The following IL1RAPL1 variants were observed in gnomAD, a reference collection of about 807,000 sequenced individuals.
The protein encoded by IL1RAPL1 is interleukin-1 receptor accessory protein-like 1.
In IL1RAPL1, 3 loss-of-function variants were observed where a neutral mutation model predicts 48.4. That is an observed-to-expected ratio of 0.06 (90% CI 0.03 to 0.16). The LOEUF is 0.16. Ranked by LOEUF, IL1RAPL1 falls within the 10% of genes least tolerant of loss-of-function variation. The pLI is 1.00. For synonymous variants in IL1RAPL1, 185 were observed against 187.7 expected, an observed-to-expected ratio of 0.99 and a Z score of 0.12; for missense variants, 349 against 530.6, an observed-to-expected ratio of 0.66 and a Z score of 3.36.
At chrX:28,821,319 T>A (rs890642745) in intron 2 of IL1RAPL1, among the ~76,000 whole-genome samples, 12 of 111,420 alleles carry the variant, frequency 1.1e-4, no homozygotes, top group African/African-American at 3.6e-4. Flanking sequence ...TGTTCCTAGA[T>A]TTTTTTAATG....
At chrX:29,424,379 G>T (rs1470605192) in intron 5 of IL1RAPL1, among the ~76,000 whole-genome samples, 1 of 110,167 alleles carries the variant, frequency 9.1e-6, no homozygotes, top group East Asian at 2.8e-4. Flanking sequence ...ATGTGACAGT[G>T]GACCCCAGAA....
intron 2 of IL1RAPL1, among the ~76,000 whole-genome samples, chrX:29,206,125 A>G (rs760357963): frequency 1.2e-3 from 138 of 111,820 alleles, no homozygotes; most frequent in African/African-American, 4.2e-3. Context: ...GATCTATATC[A>G]TTAACTTATT....
intron 2 of IL1RAPL1, among the ~76,000 whole-genome samples, chrX:28,979,845 A>T (rs1206521028): frequency 8.9e-6 from 1 of 112,012 alleles, no homozygotes; most frequent in Non-Finnish European, 1.9e-5. Flanking sequence ...CCTATTAAAA[A>T]TTTCCAAAGA....
At chrX:29,723,311 C>T (rs1320089699) in intron 6 of IL1RAPL1, among the ~76,000 whole-genome samples, 3 of 112,119 alleles carry the variant, frequency 2.7e-5, no homozygotes, top group Non-Finnish European at 5.6e-5. Flanking sequence ...TGCAGTGGTG[C>T]GATCTCGGCT....
intron 2 of IL1RAPL1, among the ~76,000 whole-genome samples, chrX:28,812,230 AT>A (rs1569178213): frequency 9.0e-6 from 1 of 110,960 alleles, no homozygotes; most frequent in African/African-American, 3.3e-5. Flanking sequence ...GTATATATAT[AT>A]TTTTTTCAGG....
At chrX:29,149,526 A>G (rs1314068646) in intron 2 of IL1RAPL1, among the ~76,000 whole-genome samples, 1 of 111,880 alleles carries the variant, frequency 8.9e-6, no homozygotes, top group African/African-American at 3.2e-5. Flanking sequence ...AGGGAAATAC[A>G]TGTGACCAAT....
At chrX:29,430,893 G>A (rs1934414600) in intron 5 of IL1RAPL1, among the ~76,000 whole-genome samples, 1 of 110,643 alleles carries the variant, frequency 9.0e-6, no homozygotes. Context: ...TGCTATAGAT[G>A]TCATAGTAAA....
chrX:28,830,812 C>T (rs779435988), intron 2 of IL1RAPL1, among the ~76,000 whole-genome samples: 1 of 110,607 alleles, frequency 9.0e-6, no homozygotes, highest in African/African-American at 3.3e-5. Flanking sequence ...CCTGAAGCTC[C>T]AGGGTTTGTG....
chrX:29,646,383 A>T (rs1367905873), intron 5 of IL1RAPL1, among the ~76,000 whole-genome samples: 10 of 112,062 alleles, frequency 8.9e-5, no homozygotes, highest in Non-Finnish European at 1.9e-4. Flanking sequence ...AGAACAACTT[A>T]TTTGAAAATA....
chrX:29,873,494 A>G (rs1327534432), intron 6 of IL1RAPL1, among the ~76,000 whole-genome samples: 1 of 110,447 alleles, frequency 9.1e-6, no homozygotes, highest in African/African-American at 3.3e-5. Context: ...CCTGCGTAAA[A>G]GAGGCCCAAG....
At chrX:29,090,733 G>C (rs1039953292) in intron 2 of IL1RAPL1, among the ~76,000 whole-genome samples, 2 of 111,818 alleles carry the variant, frequency 1.8e-5, no homozygotes, top group Non-Finnish European at 3.8e-5. Context: ...TGTGCTTAGG[G>C]TTTAAATAAA....
intron 6 of IL1RAPL1, among the ~76,000 whole-genome samples, chrX:29,756,709 G>A (rs1020467305): frequency 1.8e-4 from 20 of 111,902 alleles, no homozygotes; most frequent in Admixed American, 1.3e-3. Flanking sequence ...CACCATGCCC[G>A]GTCGCATATA....
intron 2 of IL1RAPL1, among the ~76,000 whole-genome samples, chrX:28,965,399 G>A (rs1924894113): frequency 9.0e-6 from 1 of 111,111 alleles, no homozygotes; most frequent in South Asian, 3.7e-4. Flanking sequence ...CAGAAGACAG[G>A]CAACAACATT....
intron 2 of IL1RAPL1, among the ~76,000 whole-genome samples, chrX:28,950,449 T>C (rs1269245953): frequency 1.2e-5 from 1 of 86,674 alleles, no homozygotes; most frequent in Non-Finnish European, 2.2e-5. Flanking sequence ...ATATGAACTT[T>C]AAAGTAGTTT....
At chrX:29,887,112 G>A (rs1006488986) in intron 6 of IL1RAPL1, among the ~76,000 whole-genome samples, 1 of 111,590 alleles carries the variant, frequency 9.0e-6, no homozygotes, top group African/African-American at 3.3e-5. Flanking sequence ...TACTTCTTCA[G>A]CACAAAGAAG....
At chrX:29,877,664 A>C (rs934028080) in intron 6 of IL1RAPL1, among the ~76,000 whole-genome samples, 3 of 111,948 alleles carry the variant, frequency 2.7e-5, no homozygotes, top group Admixed American at 9.5e-5. Context: ...CTCTTAGCTC[A>C]GGAACATGAT....
At chrX:29,545,178 CCTATCTATCTATCTATCTATCTATCTAT>C (rs74314245) in intron 5 of IL1RAPL1, among the ~76,000 whole-genome samples, 28 of 91,848 alleles carry the variant, frequency 3.0e-4, no homozygotes, top group East Asian at 7.3e-4. Context: ...GAAAACTAAT[CCTATCTATCTATCTATCTATCTATCTAT>C]CTATCTATCT....
intron 5 of IL1RAPL1, among the ~76,000 whole-genome samples, chrX:29,639,082 A>T (rs1925072952): frequency 9.2e-6 from 1 of 108,142 alleles, no homozygotes; most frequent in African/African-American, 3.4e-5. Flanking sequence ...GCTACTCGGT[A>T]GGCTGAGGCA....
At chrX:28,749,226 G>A (rs1936011838) in intron 1 of IL1RAPL1, among the ~76,000 whole-genome samples, 1 of 112,090 alleles carries the variant, frequency 8.9e-6, no homozygotes, top group Admixed American at 9.5e-5. Flanking sequence ...GTAAACAGGA[G>A]TGCAGATATC....
Sources: allele counts gnomAD v4.1 joint callset (sites outside exome capture counted in the v4.1 genomes callset), GRCh38; gene constraint gnomAD v4.1.1; transcripts MANE v1.5; gene names NCBI Gene and HGNC (gene_info 2026-07-23, HGNC 2026-07-21).